Variants in LRBA observed in about 807,000 individuals in gnomAD.
LRBA encodes lipopolysaccharide-responsive and beige-like anchor protein.
Under a neutral mutation model 330.0 loss-of-function variants are expected in LRBA, and 176 were observed. That is an observed-to-expected ratio of 0.53 (90% confidence interval 0.47 to 0.60). The LOEUF (loss-of-function observed/expected upper bound fraction) is 0.60, where lower values mean the gene tolerates loss of function less well. Among genes scored for constraint, LRBA ranks in the 20% least tolerant of loss-of-function variants. The pLI is 0.00. For missense variants in LRBA, 3,259 were observed against 3,444.8 expected, an observed-to-expected ratio of 0.95 and a Z score of 1.35; for synonymous variants, 1,230 against 1,193.0, an observed-to-expected ratio of 1.03 and a Z score of -0.64.
intron 53 of LRBA, among the ~76,000 whole-genome samples, chr4:150,287,890 T>C (rs550583916): frequency 5.4e-4 from 83 of 152,310 alleles, no homozygotes; most frequent in Non-Finnish European, 9.4e-4. Flanking sequence ...CAAGAGCAAT[T>C]TTGTTTCTTA....
rs146796253 is a variant in LRBA, at chr4:150,849,084, A to C, written c.4159-86T>G. 5.9e-4 allele frequency: 514 copies of C among 867,992 alleles called. 3 individuals are homozygous for C. In the African/African-American group the frequency reaches 7.4e-3, roughly 13 times the overall value. 53.8% of individuals were successfully genotyped at this position (867,992 alleles called of 1,614,324 possible). A position where few individuals can be genotyped will look rare whatever the true frequency, so the allele number is the denominator to read the frequency against. On this transcript the variant is annotated intron_variant, in intron 25 of 56. Transcript: ENST00000651943. ...TATAGTCCTAAAATTTATAAATTGC[A>C]TAAGTAGTCAGACTTTCAGAAACCT...
At chr4:150,535,199 G>A (rs969358466) in intron 40 of LRBA, among the ~76,000 whole-genome samples, 5 of 152,118 alleles carry the variant, frequency 3.3e-5, no homozygotes, top group African/African-American at 1.2e-4. Context: ...AGTGGTGCAA[G>A]CCTTGCTCAC....
chr4:150,559,749 T>C (rs1280322992), intron 40 of LRBA, among the ~76,000 whole-genome samples: 3 of 88,804 alleles, frequency 3.4e-5, no homozygotes. Context: ...ATATATAATA[T>C]ATATAACATT....
chr4:150,294,757 A>C lies in LRBA; in HGVS notation c.8017+7868T>G, dbSNP rs369167323. 5.4e-4 allele frequency among the ~76,000 whole-genome samples: 82 copies of C among 152,222 alleles called. 1 individual carries two copies. Among genetic ancestry groups the C allele is most frequent in the South Asian group, 1.2e-3 (6 of 4,826 alleles). ...ACAAGGTCAGGAGATTGAGACCATC[A>C]TGGCCAACATGGTGAAACCCTGTCT... On this transcript the variant is annotated intron_variant, in intron 53 of 56. Coordinates refer to ENST00000651943, the MANE Select transcript of LRBA (RefSeq NM_001364905.1).
intron 5 of LRBA, 74 bp from the exon 6 acceptor site, chr4:150,916,812 G>T: frequency 2.6e-6 from 3 of 1,152,700 alleles, no homozygotes; most frequent in Non-Finnish European, 3.7e-6. Flanking sequence ...ATAAGACTTT[G>T]CAATGCTACA....
intron 2 of LRBA, among the ~76,000 whole-genome samples, chr4:150,968,306 C>A (rs1296831924): frequency 1.3e-5 from 2 of 152,158 alleles, no homozygotes; most frequent in Admixed American, 6.5e-5. Flanking sequence ...CCCGGCCGCA[C>A]ATCTCTCATT....
At position 150,505,398 on chromosome 4, in the gene LRBA, A is replaced by C. The variant is rs1276633669; in HGVS notation, c.6331-14363T>G. 2.0e-5 allele frequency among the ~76,000 whole-genome samples: 3 copies of C among 152,366 alleles called. No individual in the cohort carries two copies. In the East Asian group the frequency reaches 5.8e-4, roughly 29 times the overall value. ...AAACTGTCTCTCAGACCACAGTGCA[A>C]TCAAACTAGAACTCAGGATTAAGAA... On this transcript the variant is annotated intron_variant, in intron 40 of 56. Transcript: ENST00000651943.
At chr4:150,291,755 T>C (rs1236286931) in intron 53 of LRBA, among the ~76,000 whole-genome samples, 12 of 148,328 alleles carry the variant, frequency 8.1e-5, no homozygotes, top group African/African-American at 3.0e-4. Context: ...ATCATGCTGC[T>C]ATAAAGACAC....
At chr4:150,636,648 T>C (rs1308501527) in intron 37 of LRBA, among the ~76,000 whole-genome samples, 4 of 152,138 alleles carry the variant, frequency 2.6e-5, no homozygotes, top group Non-Finnish European at 5.9e-5. Context: ...TATATCCAGC[T>C]GGGCACGATG....
At position 150,435,751 on chromosome 4, in the gene LRBA, A is replaced by G. The variant is rs758527709; in HGVS notation, c.6922-43T>C. 3.9e-6 allele frequency: 6 copies of G among 1,528,414 alleles called. No homozygotes were observed. The African/African-American group carries it at 8.3e-5, about 21-fold the overall frequency. The allele number at this position is 1,528,414 out of a possible 1,614,324, so 94.7% of individuals were successfully genotyped here. A position where few individuals can be genotyped will look rare whatever the true frequency, so the allele number is the denominator to read the frequency against. On this transcript the variant is annotated intron_variant, in intron 45 of 56. Transcript: ENST00000651943. Reference sequence around the variant, plus strand: ...AAAAAATCCATATGTTCCCTCAGGCATAAAAATGTGGTTTTTATAAATTCT... The same window carrying G: ...AAAAAATCCATATGTTCCCTCAGGCGTAAAAATGTGGTTTTTATAAATTCT...
rs1444037174 is a variant in LRBA, at chr4:150,908,642, A to G, written c.1359+18T>C. 3.1e-6 allele frequency: 5 copies of G among 1,599,030 alleles called. No individual in the cohort carries two copies. Among genetic ancestry groups the G allele is most frequent in the East Asian group, 2.2e-5 (1 of 44,786 alleles). ...AAAATTACCATTATAAATGTTCTTA[A>G]AAGATCACAGTTAGTACCTGGAGCA... On this transcript the variant is annotated intron_variant, in intron 10 of 56. Transcript: ENST00000651943.
chr4:150,851,417 AGAG>A (rs1750602392), intron 23 of LRBA, among the ~76,000 whole-genome samples: 1 of 152,248 alleles, frequency 6.6e-6, no homozygotes, highest in African/African-American at 2.4e-5. Context: ...AGATATGGAC[AGAG>A]GAGAAGGCTG....
intron 42 of LRBA, among the ~76,000 whole-genome samples, chr4:150,476,671 A>G (rs887527787): frequency 6.6e-6 from 1 of 152,214 alleles, no homozygotes; most frequent in African/African-American, 2.4e-5. Context: ...TAGTGCTCCT[A>G]TAGAAAAAAG....
At chr4:150,399,628 G>A (rs541088948) in intron 47 of LRBA, among the ~76,000 whole-genome samples, 227 of 152,180 alleles carry the variant, frequency 1.5e-3, no homozygotes, top group African/African-American at 4.9e-3. Flanking sequence ...CATCTCAGGC[G>A]GACTCTGTTG....
At chr4:150,806,460 AGTTTT>A in intron 32 of LRBA, 56 bp from the exon 33 acceptor site, 2 of 1,224,764 alleles carry the variant, frequency 1.6e-6, no homozygotes, top group Non-Finnish European at 2.2e-6. Flanking sequence ...TCAATTTTCT[AGTTTT>A]GAAAATAAAG....
intron 37 of LRBA, among the ~76,000 whole-genome samples, chr4:150,644,496 T>G (rs1471554188): frequency 3.3e-5 from 5 of 151,888 alleles, no homozygotes; most frequent in African/African-American, 1.2e-4. Context: ...AAAACAAAAT[T>G]GTTTAAGAAT....
Position 150,828,482 on chromosome 4 carries a change from A to G in LRBA, c.4869T>C (p.Pro1623=). ...TGLGSHVEVT[P]HTAPPGVSAG... is the part of the protein sequence containing the mutation. ...CACTGACACCAGGAGGTGCTGTGTG[A>G]GGAGTTACTTCCACATGGCTTCCTA... The change falls in exon 30 of 57, where the codon CCT becomes CCC. Residue 1623 remains proline, a synonymous_variant. Coordinates refer to ENST00000651943, the MANE Select transcript of LRBA (RefSeq NM_001364905.1). 1 of 1,614,108 alleles carries G rather than the reference A, an allele frequency of 6.2e-7. No homozygotes were observed. Among genetic ancestry groups the G allele is most frequent in the Admixed American group, 1.7e-5 (1 of 60,008 alleles).
At chr4:150,822,821 G>A (rs897517495) in intron 30 of LRBA, among the ~76,000 whole-genome samples, 16 of 152,272 alleles carry the variant, frequency 1.1e-4, no homozygotes, top group African/African-American at 3.9e-4. Context: ...CAACACTTTG[G>A]ATCACTTGAG....
At chr4:150,282,048 G>A (rs566231443) in intron 55 of LRBA, among the ~76,000 whole-genome samples, 1 of 152,316 alleles carries the variant, frequency 6.6e-6, no homozygotes, top group Admixed American at 6.5e-5. Context: ...CCACCACCAA[G>A]CTATTCAGAT....
Sources: gnomAD v4.1 joint callset for allele counts (sites outside exome capture counted in the v4.1 genomes callset) on GRCh38, gnomAD v4.1.1 for gene constraint, MANE v1.5 for transcripts, NCBI Gene and HGNC (gene_info 2026-07-23, HGNC 2026-07-21) for gene names.